The following PRLR variants were observed in gnomAD, a reference collection of about 807,000 sequenced individuals.
The protein encoded by PRLR is prolactin receptor.
In PRLR, 13 loss-of-function variants were observed where a neutral mutation model predicts 40.2. The ratio of observed to expected loss-of-function variants is 0.32; its 90% CI spans 0.21 to 0.51. The LOEUF (loss-of-function observed/expected upper bound fraction) is 0.51. Ranked by LOEUF, PRLR falls within the 20% of genes least tolerant of loss-of-function variation. The pLI, the probability that PRLR is intolerant of heterozygous loss-of-function variation, is 0.97. For missense variants in PRLR, 656 were observed against 747.3 expected (o/e 0.88, Z 1.42); for synonymous variants, 269 against 278.7 (o/e 0.97, Z 0.35).
At chr5:35,209,550 C>T (rs11959245) in intron 1 of PRLR, among the ~76,000 whole-genome samples, 5,488 of 152,228 alleles carry the variant, frequency 0.036, 135 homozygotes, top group Non-Finnish European at 0.05. Context: ...GGAAAGAATT[C>T]ATGGAGATGA....
chr5:35,126,143 A>C (rs986832871), intron 1 of PRLR, among the ~76,000 whole-genome samples: 1 of 152,158 alleles, frequency 6.6e-6, no homozygotes, highest in African/African-American at 2.4e-5. Context: ...TAGGTAAGTG[A>C]TGTTGATAAT....
Position 35,077,585 on chromosome 5 carries a change from A to G in PRLR, c.374-4841T>C, listed in dbSNP as rs1579590324. 2.0e-5 allele frequency among the ~76,000 whole-genome samples: 3 copies of G among 152,276 alleles called. No individual in the cohort carries two copies. In the East Asian group the frequency reaches 5.8e-4, roughly 29 times the overall value. On this transcript the variant is annotated intron_variant, in intron 5 of 9. Coordinates refer to ENST00000618457, the MANE Select transcript of PRLR (RefSeq NM_000949.7). ...CTTAGAGACCTACAAAGAGACTTAG[A>G]CTCCCACACAATAATAATGGGAGAC...
chr5:35,213,193 TCC>T (rs1776211545), intron 1 of PRLR, among the ~76,000 whole-genome samples: 1 of 152,156 alleles, frequency 6.6e-6, no homozygotes, highest in Non-Finnish European at 1.5e-5. Flanking sequence ...TAAAAGGAGA[TCC>T]CCATGAAATA....
intron 1 of PRLR, among the ~76,000 whole-genome samples, chr5:35,150,744 G>C (rs1027798853): frequency 6.6e-6 from 1 of 152,098 alleles, no homozygotes; most frequent in Non-Finnish European, 1.5e-5. Flanking sequence ...GACCATAGGA[G>C]GTAAGAATAG....
At chr5:35,204,287 A>G (rs1319305576) in intron 1 of PRLR, among the ~76,000 whole-genome samples, 1 of 151,860 alleles carries the variant, frequency 6.6e-6, no homozygotes, top group African/African-American at 2.4e-5. Flanking sequence ...ATGTAATGTT[A>G]TCTTACTCTT....
exon 9 of PRLR, chr5:35,049,200 A>G (rs1330389594): frequency 1.4e-6 from 1 of 701,416 alleles, no homozygotes; most frequent in South Asian, 1.5e-5. Context: ...GACACACAGC[A>G]TCTCCCTGGG....
chr5:35,224,381 G>A (rs570247467), intron 1 of PRLR, among the ~76,000 whole-genome samples: 24 of 152,178 alleles, frequency 1.6e-4, no homozygotes, highest in Non-Finnish European at 2.4e-4. Flanking sequence ...TTTCAATTGG[G>A]TGTTCTCTCT....
At chr5:35,194,072 G>A (rs1172007536) in intron 1 of PRLR, among the ~76,000 whole-genome samples, 2 of 152,134 alleles carry the variant, frequency 1.3e-5, no homozygotes, top group African/African-American at 4.8e-5. Context: ...ATGCTGCCCC[G>A]TGGCATGGAG....
chr5:35,177,910 T>C (rs1452467766), intron 1 of PRLR, among the ~76,000 whole-genome samples: 1 of 152,188 alleles, frequency 6.6e-6, no homozygotes, highest in Non-Finnish European at 1.5e-5. Flanking sequence ...GACTATTTCA[T>C]TTCGCATGTC....
chr5:35,129,622 T>A (rs1186450832), intron 1 of PRLR, among the ~76,000 whole-genome samples: 1 of 152,142 alleles, frequency 6.6e-6, no homozygotes, highest in Non-Finnish European at 1.5e-5. Flanking sequence ...CTCTCTATCA[T>A]TCAGAAACAT....
chr5:35,198,951 G>A (rs1008291792), intron 1 of PRLR, among the ~76,000 whole-genome samples: 1 of 152,158 alleles, frequency 6.6e-6, no homozygotes, highest in Non-Finnish European at 1.5e-5. Context: ...TGCTCTTAAA[G>A]GACAACCACA....
intron 5 of PRLR, chr5:35,081,107 T>G (rs1770483819): frequency 1.3e-5 from 2 of 151,042 alleles, no homozygotes; most frequent in African/African-American, 2.4e-5. Context: ...GAGTTAATGG[T>G]TGCAGCACAC....
rs569090856 is a variant in PRLR at position 35,155,984 on chromosome 5, AT to A, written c.-105-37863del. Among the ~76,000 whole-genome samples the A allele has an allele frequency of 9.1e-4, 138 of 152,132 alleles. 1 individual carries two copies. Among genetic ancestry groups the A allele is most frequent in the African/African-American group, 2.9e-3 (120 of 41,534 alleles). ...ACAAGTTCATCTTCCTTACTTTGTA[AT>A]TTTTTTTAAACCATATTTCAAATCA... is the stretch of plus-strand genomic sequence containing the variant. On this transcript the variant is annotated intron_variant, in intron 1 of 9. Transcript: ENST00000618457.
intron 1 of PRLR, among the ~76,000 whole-genome samples, chr5:35,162,040 C>T (rs921649431): frequency 5.9e-5 from 9 of 152,144 alleles, no homozygotes; most frequent in African/African-American, 9.7e-5. Context: ...CATCTGTGGA[C>T]GTGATTCACA....
At chr5:35,078,497 A>C (rs953146665) in intron 5 of PRLR, among the ~76,000 whole-genome samples, 1 of 152,142 alleles carries the variant, frequency 6.6e-6, no homozygotes. Flanking sequence ...TCCCAAGACT[A>C]AACCAGGAAG....
intron 1 of PRLR, among the ~76,000 whole-genome samples, chr5:35,159,700 T>G (rs1230774448): frequency 1.3e-5 from 2 of 152,234 alleles, no homozygotes; most frequent in African/African-American, 4.8e-5. Flanking sequence ...GTTCATGATC[T>G]TAGCATGGAG....
Position 35,062,478 on chromosome 5 carries a change from T to C in PRLR, c.*2611A>G, listed in dbSNP as rs1304042486. The C allele has an allele frequency of 6.6e-6, 1 of 152,218 alleles. No homozygotes were observed. The highest frequency in any genetic ancestry group is 1.5e-5 in the Non-Finnish European group (1 of 68,030). The allele number at this position is 152,218 out of a possible 1,614,324, so 9.4% of individuals were successfully genotyped here. A position where few individuals can be genotyped will look rare whatever the true frequency, so the allele number is the denominator to read the frequency against. Reference sequence around the variant, plus strand: ...AGACCACAAAAAAGCTTAATTCAGATAAACAGTGCTAATTGATCATAGAAT... The same window carrying C: ...AGACCACAAAAAAGCTTAATTCAGACAAACAGTGCTAATTGATCATAGAAT... On this transcript the variant is annotated 3_prime_UTR_variant, in exon 10 of 10. Transcript: ENST00000618457.
intron 1 of PRLR, among the ~76,000 whole-genome samples, chr5:35,120,615 T>C (rs1773256560): frequency 6.6e-6 from 1 of 152,188 alleles, no homozygotes; most frequent in Admixed American, 6.5e-5. Context: ...ATTTCATCTT[T>C]TATATACTTG....
At chr5:35,097,109 A>G (rs182778449) in intron 2 of PRLR, among the ~76,000 whole-genome samples, 154 of 152,334 alleles carry the variant, frequency 1.0e-3, no homozygotes, top group African/African-American at 3.6e-3. Flanking sequence ...CCTCTAAGGC[A>G]GCCTTCCTCC....
Sources: allele counts gnomAD v4.1 joint callset (sites outside exome capture counted in the v4.1 genomes callset), GRCh38; gene constraint gnomAD v4.1.1; transcripts MANE v1.5; gene names NCBI Gene and HGNC (gene_info 2026-07-23, HGNC 2026-07-21).